PDE4D: variants seen among roughly 807,000 people sequenced by gnomAD.
The protein encoded by PDE4D is phosphodiesterase 4D, also known as 3',5'-cyclic-AMP phosphodiesterase 4D.
In PDE4D, 24 loss-of-function variants were observed where a neutral mutation model predicts 87.4. The observed-to-expected ratio is 0.27, with a 90% CI of 0.20 to 0.39. The LOEUF is 0.39. PDE4D is among the 10% of genes least tolerant of loss of function. The pLI, the probability that PDE4D is intolerant of heterozygous loss-of-function variation, is 1.00. For missense variants in PDE4D, 714 were observed against 1,041.0 expected, an observed-to-expected ratio of 0.69 and a Z score of 4.32; for synonymous variants, 384 against 383.2, an observed-to-expected ratio of 1.00 and a Z score of -0.02.
intron 2 of PDE4D, among the ~76,000 whole-genome samples, chr5:60,031,527 G>T (rs568884195): frequency 6.6e-6 from 1 of 152,298 alleles, no homozygotes; most frequent in East Asian, 1.9e-4. Context: ...TAATTTCCAT[G>T]TATAGCCTCC....
At chr5:60,462,552 C>CT (rs1425493301) in intron 1 of PDE4D, among the ~76,000 whole-genome samples, 1 of 152,164 alleles carries the variant, frequency 6.6e-6, no homozygotes, top group Admixed American at 6.5e-5. Context: ...TCTCCTCTCT[C>CT]TGTTTCCTAT....
intron 3 of PDE4D, among the ~76,000 whole-genome samples, chr5:59,983,004 G>A (rs553341049): frequency 9.9e-5 from 15 of 152,106 alleles, no homozygotes; most frequent in Non-Finnish European, 1.8e-4. Context: ...GTAGGTGCTC[G>A]CATTATTCCT....
At chr5:60,147,975 C>A in intron 2 of PDE4D, 1 of 310,852 alleles carries the variant, frequency 3.2e-6, no homozygotes, top group Middle Eastern at 6.6e-4. Context: ...ATTTTCTTGG[C>A]CACAGAGATC....
intron 1 of PDE4D, among the ~76,000 whole-genome samples, chr5:59,686,139 A>C (rs1288762957): frequency 6.6e-6 from 1 of 152,172 alleles, no homozygotes; most frequent in East Asian, 1.9e-4. Flanking sequence ...AGTACACTTC[A>C]TAGGTATTTG....
At chr5:60,053,418 C>A (rs1770423004) in intron 2 of PDE4D, among the ~76,000 whole-genome samples, 1 of 152,076 alleles carries the variant, frequency 6.6e-6, no homozygotes, top group African/African-American at 2.4e-5. Flanking sequence ...TTTGACAAAC[C>A]TGACAAAAAC....
At chr5:59,129,065 C>T (rs1441034577) in intron 5 of PDE4D, among the ~76,000 whole-genome samples, 1 of 152,324 alleles carries the variant, frequency 6.6e-6, no homozygotes, top group African/African-American at 2.4e-5. Context: ...CTCAAACCCA[C>T]TTGCCAAGGG....
At chr5:59,174,891 C>A (rs542999685) in intron 5 of PDE4D, among the ~76,000 whole-genome samples, 11 of 152,068 alleles carry the variant, frequency 7.2e-5, no homozygotes, top group Non-Finnish European at 1.3e-4. Context: ...TATTTAAATA[C>A]GTTTTCTTTA....
intron 3 of PDE4D, among the ~76,000 whole-genome samples, chr5:59,976,707 C>T (rs559502504): frequency 6.6e-6 from 1 of 152,264 alleles, no homozygotes; most frequent in South Asian, 2.1e-4. Context: ...TGTGCTTTTA[C>T]CAATTGAATA....
chr5:60,375,851 C>T (rs912735043), intron 1 of PDE4D, among the ~76,000 whole-genome samples: 3 of 152,146 alleles, frequency 2.0e-5, no homozygotes, highest in South Asian at 2.1e-4. Flanking sequence ...CCATCCTGGC[C>T]AACATGGTGA....
At chr5:60,406,182 T>C (rs1741515028) in intron 1 of PDE4D, among the ~76,000 whole-genome samples, 1 of 152,196 alleles carries the variant, frequency 6.6e-6, no homozygotes, top group Non-Finnish European at 1.5e-5. Flanking sequence ...GCATCTCCTA[T>C]CCAAATTTAC....
At chr5:59,473,107 A>AAAATATGG (rs1802729338) in intron 1 of PDE4D, among the ~76,000 whole-genome samples, 1 of 150,958 alleles carries the variant, frequency 6.6e-6, no homozygotes, top group African/African-American at 2.4e-5. Flanking sequence ...AAAAAAAGAG[A>AAAATATGG]AAATATGGAA....
At chr5:59,337,684 G>A (rs1275351813) in intron 1 of PDE4D, among the ~76,000 whole-genome samples, 2 of 152,300 alleles carry the variant, frequency 1.3e-5, no homozygotes, top group Admixed American at 1.3e-4. Context: ...TAGGCCATGT[G>A]TTGATATGTT....
chr5:59,153,214 C>T (rs1276833595), intron 5 of PDE4D, among the ~76,000 whole-genome samples: 1 of 152,122 alleles, frequency 6.6e-6, no homozygotes, highest in African/African-American at 2.4e-5. Flanking sequence ...ATAGTGTTCT[C>T]ACAGACTCTC....
chr5:59,395,098 T>A (rs1789109095), intron 1 of PDE4D, among the ~76,000 whole-genome samples: 1 of 152,048 alleles, frequency 6.6e-6, no homozygotes, highest in Non-Finnish European at 1.5e-5. Context: ...GGAGTCTCGC[T>A]GATTGCTAGC....
intron 1 of PDE4D, among the ~76,000 whole-genome samples, chr5:59,729,687 G>A (rs974054397): frequency 6.6e-6 from 1 of 151,844 alleles, no homozygotes; most frequent in African/African-American, 2.4e-5. Context: ...ACGAAAGTAA[G>A]TCTAGAAAAC....
chr5:59,932,736 A>C (rs997098408), intron 3 of PDE4D, among the ~76,000 whole-genome samples: 12 of 152,202 alleles, frequency 7.9e-5, no homozygotes, highest in African/African-American at 2.9e-4. Flanking sequence ...AAGTCGGTAG[A>C]TACCAAATCG....
At chr5:59,556,754 TC>T (rs1818997798) in intron 1 of PDE4D, among the ~76,000 whole-genome samples, 2 of 152,162 alleles carry the variant, frequency 1.3e-5, no homozygotes. Context: ...CCCAATTTTC[TC>T]TTTTTAACAT....
chr5:59,304,288 C>G (rs1770844310), intron 1 of PDE4D, among the ~76,000 whole-genome samples: 1 of 152,026 alleles, frequency 6.6e-6, no homozygotes, highest in South Asian at 2.1e-4. Context: ...GTTCTAGGAG[C>G]TTGCTGGAGG....
chr5:59,024,263 C>T (rs1458608232), intron 6 of PDE4D, among the ~76,000 whole-genome samples: 6 of 140,632 alleles, frequency 4.3e-5, no homozygotes, highest in Non-Finnish European at 6.1e-5. Context: ...TGCAGTGGCA[C>T]GATCTTGGCT....
Sources: gnomAD v4.1 joint callset for allele counts (sites outside exome capture counted in the v4.1 genomes callset) on GRCh38, gnomAD v4.1.1 for gene constraint, MANE v1.5 for transcripts, NCBI Gene and HGNC (gene_info 2026-07-23, HGNC 2026-07-21) for gene names.